Variants in BLNK observed in about 807,000 individuals in gnomAD.
BLNK encodes B-cell linker protein.
In BLNK, 29 loss-of-function variants were observed where a neutral mutation model predicts 73.5. The observed-to-expected ratio is 0.39, with a 90% CI of 0.29 to 0.54. The LOEUF is 0.54. Among genes scored for constraint, BLNK ranks in the 20% least tolerant of loss-of-function variants. The probability of loss-of-function intolerance (pLI) is 0.61; values close to 1 mark genes in which losing one functional copy is unlikely to be tolerated. For missense variants in BLNK, 460 were observed against 562.8 expected, an observed-to-expected ratio of 0.82 and a Z score of 1.85; for synonymous variants, 176 against 200.8, an observed-to-expected ratio of 0.88 and a Z score of 1.04.
chr10:96,223,885 G>T lies in BLNK; in HGVS notation c.466C>A (p.Leu156Met). ...ACTTGAGGTTTCTGCAAAGCAGTCA[G>T]GGCCGGCAGGGTGGAGGTGAGCCTT... ...KARLTSTLPA[L>M]TALQKPQVPP... Residue 156 changes from leucine to methionine, a missense_variant, in exon 6 of 17, where the codon CTG becomes ATG. Leu to Met is a conservative substitution (Grantham distance 15). Coordinates refer to ENST00000224337, the MANE Select transcript of BLNK (RefSeq NM_013314.4). 1 of 1,613,888 alleles carries T rather than the reference G, an allele frequency of 6.2e-7. No individual in the cohort carries two copies. Among genetic ancestry groups the T allele is most frequent in the Non-Finnish European group, 8.5e-7 (1 of 1,180,038 alleles).
At chr10:96,197,106 C>T in intron 15 of BLNK, 43 bp from the exon 16 acceptor site, 1 of 1,511,578 alleles carries the variant, frequency 6.6e-7, no homozygotes, top group Non-Finnish European at 9.0e-7. Context: ...GTTAGTATTA[C>T]TTATATTTCT....
intron 10 of BLNK, among the ~76,000 whole-genome samples, chr10:96,207,377 T>C (rs1480890411): frequency 6.6e-6 from 1 of 152,098 alleles, no homozygotes; most frequent in Admixed American, 6.5e-5. Flanking sequence ...GGCATCTGCT[T>C]TGGTCTCATG....
At position 96,269,725 on chromosome 10, in the gene BLNK, T is replaced by A. The variant is rs117210542; in HGVS notation, c.47+1627A>T. 4.2e-4 allele frequency among the ~76,000 whole-genome samples: 64 copies of A among 152,244 alleles called. No individual in the cohort carries two copies. In the East Asian group the frequency reaches 0.011, roughly 27 times the overall value. ...CTCCCTATGGTCAGGGCACTCACCATCCTTTGCAACCTGGACCCACCTTAT... is the reference window on the plus strand; with the variant it reads ...CTCCCTATGGTCAGGGCACTCACCAACCTTTGCAACCTGGACCCACCTTAT... On this transcript the variant is annotated intron_variant, in intron 1 of 16. Transcript: ENST00000224337.
chr10:96,262,319 A>G (rs1197491623), intron 1 of BLNK, among the ~76,000 whole-genome samples: 1 of 152,190 alleles, frequency 6.6e-6, no homozygotes, highest in Admixed American at 6.5e-5. Context: ...AACACAATCC[A>G]GGGCACCAGG....
At chr10:96,232,191 G>A (rs1842524867) in intron 3 of BLNK, among the ~76,000 whole-genome samples, 1 of 152,180 alleles carries the variant, frequency 6.6e-6, no homozygotes, top group Admixed American at 6.5e-5. Context: ...CAGCACCACA[G>A]AGGGTCCCAG....
chr10:96,234,311 T>C (rs1366886004), intron 3 of BLNK, among the ~76,000 whole-genome samples: 1 of 152,224 alleles, frequency 6.6e-6, no homozygotes, highest in Non-Finnish European at 1.5e-5. Context: ...AGCTAGACTA[T>C]CTACTTCAGG....
At chr10:96,195,021 G>A (rs2083429593) in intron 16 of BLNK, among the ~76,000 whole-genome samples, 1 of 151,646 alleles carries the variant, frequency 6.6e-6, no homozygotes, top group Non-Finnish European at 1.5e-5. Flanking sequence ...CGCCCGTCTC[G>A]GCCTCCCAAA....
intron 1 of BLNK, among the ~76,000 whole-genome samples, chr10:96,250,450 G>GAGAGAGAGAGAGAGGAAGAGAGAA (rs1843238452): frequency 5.0e-5 from 2 of 39,978 alleles, no homozygotes; most frequent in Admixed American, 3.2e-4. Flanking sequence ...GAGAGAAAGA[G>GAGAGAGAGAGAGAGGAAGAGAGAA]AGAGAGAGAG....
At chr10:96,262,711 A>G (rs1843812826) in intron 1 of BLNK, among the ~76,000 whole-genome samples, 2 of 152,238 alleles carry the variant, frequency 1.3e-5, no homozygotes, top group African/African-American at 4.8e-5. Flanking sequence ...TGCAAAATAT[A>G]TAGCAGTAGG....
chr10:96,260,431 T>C (rs1027856874), intron 1 of BLNK, among the ~76,000 whole-genome samples: 5 of 152,234 alleles, frequency 3.3e-5, no homozygotes, highest in Admixed American at 6.5e-5. Context: ...GACTGAGAAG[T>C]AGTTCTAGTC....
rs532033946 is a variant in BLNK at position 96,256,217 on chromosome 10, T to C, written c.48-9168A>G. On this transcript the variant is annotated intron_variant, in intron 1 of 16. Coordinates refer to ENST00000224337, the MANE Select transcript of BLNK (RefSeq NM_013314.4). Reference sequence around the variant, plus strand: ...GGTATCCTTAGAACATCTGTGCTGGTGCAATTGACCTGGTATCTCCAATTT... The same window carrying C: ...GGTATCCTTAGAACATCTGTGCTGGCGCAATTGACCTGGTATCTCCAATTT... Among the ~76,000 whole-genome samples, 176 of 152,296 alleles carry C rather than the reference T, an allele frequency of 1.2e-3. 2 individuals carry two copies. Among genetic ancestry groups the C allele is most frequent in the African/African-American group, 4.1e-3 (172 of 41,556 alleles).
chr10:96,212,152 G>T (rs999884505), intron 8 of BLNK, among the ~76,000 whole-genome samples: 6 of 152,088 alleles, frequency 3.9e-5, no homozygotes, highest in Non-Finnish European at 7.3e-5. Context: ...CAGCATGATT[G>T]TCATGGTGGA....
In BLNK at chr10:96,190,233, A is replaced by C; in HGVS notation, c.*1740T>G. 1.3e-6 allele frequency: 1 copy of C among 749,152 alleles called. No individual in the cohort carries two copies. Among genetic ancestry groups the C allele is most frequent in the African/African-American group, 1.7e-5 (1 of 58,756 alleles). 46.4% of individuals were successfully genotyped at this position (749,152 alleles called of 1,614,324 possible). On this transcript the variant is annotated 3_prime_UTR_variant, in exon 17 of 17. Coordinates refer to ENST00000224337, the MANE Select transcript of BLNK (RefSeq NM_013314.4). ...CGAATCTTCCATCAGGTGGCGGCAC[A>C]CACTTAGGTGGGAGAGAAAGCAGAC...
chr10:96,269,041 T>C (rs1844145657), intron 1 of BLNK, among the ~76,000 whole-genome samples: 1 of 152,214 alleles, frequency 6.6e-6, no homozygotes, highest in African/African-American at 2.4e-5. Context: ...TATCTAATTA[T>C]GGAAAAGAGT....
intron 9 of BLNK, 84 bp downstream of exon 9, chr10:96,209,754 T>G: frequency 6.5e-7 from 1 of 1,533,156 alleles, no homozygotes; most frequent in South Asian, 1.1e-5. Flanking sequence ...TGGGGAGAAC[T>G]TCTAATGAAG....
chr10:96,207,132 A>G, intron 10 of BLNK, 79 bp from the exon 11 acceptor site: 1 of 1,365,644 alleles, frequency 7.3e-7, no homozygotes, highest in Non-Finnish European at 1.0e-6. Context: ...TTATTAAAAT[A>G]AATATTTTGG....
chr10:96,195,924 T>G (rs2083454327), intron 16 of BLNK, among the ~76,000 whole-genome samples: 1 of 152,244 alleles, frequency 6.6e-6, no homozygotes. Flanking sequence ...GCTTAATAAT[T>G]ATTTATCAAG....
chr10:96,199,675 G>A, intron 15 of BLNK: 1 of 378,174 alleles, frequency 2.6e-6, no homozygotes, highest in Non-Finnish European at 5.3e-6. Flanking sequence ...ATATCATAAG[G>A]ACGACAACTG....
Position 96,200,552 on chromosome 10 carries a change from A to C in BLNK, c.1012-394T>G, listed in dbSNP as rs1406618500. Among the ~76,000 whole-genome samples the C allele has an allele frequency of 1.3e-5, 2 of 152,204 alleles. No individual in the cohort carries two copies. Among genetic ancestry groups the C allele is most frequent in the Non-Finnish European group, 2.9e-5 (2 of 68,038 alleles). On this transcript the variant is annotated intron_variant, in intron 14 of 16. Coordinates refer to ENST00000224337, the MANE Select transcript of BLNK (RefSeq NM_013314.4). This position sits in a 1 kb window ranked among gnomAD's most constrained non-coding sequence, Gnocchi z 4.3. ...TTTGAAGGCAAGAAGGACACATGCT[A>C]TTATCCGTATTTTACATTTTTACAT...
Sources: allele counts gnomAD v4.1 joint callset (sites outside exome capture counted in the v4.1 genomes callset), GRCh38; gene constraint gnomAD v4.1.1; non-coding constraint Gnocchi (gnomAD v3.1); transcripts MANE v1.5; gene names NCBI Gene and HGNC (gene_info 2026-07-23, HGNC 2026-07-21).